PTGR1: variants seen among roughly 807,000 people sequenced by gnomAD.
The protein encoded by PTGR1 is prostaglandin reductase 1.
Under a neutral mutation model 37.7 loss-of-function variants are expected in PTGR1, and 23 were observed. The ratio of observed to expected loss-of-function variants is 0.61; its 90% CI spans 0.44 to 0.86. The LOEUF (loss-of-function observed/expected upper bound fraction) is 0.86, where lower values mean the gene tolerates loss of function less well. PTGR1 is among the 40% of genes least tolerant of loss of function. The pLI is 0.00. For missense variants in PTGR1, 351 were observed against 394.3 expected, an observed-to-expected ratio of 0.89 and a Z score of 0.93; for synonymous variants, 134 against 140.0, an observed-to-expected ratio of 0.96 and a Z score of 0.30.
intron 9 of PTGR1, among the ~76,000 whole-genome samples, chr9:111,555,364 A>G (rs76945757): frequency 0.028 from 4,241 of 152,240 alleles, 113 homozygotes; most frequent in East Asian, 0.14. Context: ...CTACTTCCAG[A>G]AAACCTGATG....
chr9:111,557,912 G>T (rs1022383886), downstream of PTGR1, among the ~76,000 whole-genome samples: 11 of 152,246 alleles, frequency 7.2e-5, no homozygotes, highest in Admixed American at 6.5e-4. Flanking sequence ...GCTTTGGGAG[G>T]CCAAGGCAGG....
chr9:111,589,379 C>A, intron 4 of PTGR1: 2 of 890,010 alleles, frequency 2.2e-6, no homozygotes, highest in South Asian at 5.2e-5. Context: ...ATTATAATAA[C>A]TGGCTAGTCA....
intron 9 of PTGR1, chr9:111,549,941 T>C (rs1216112257): frequency 1.7e-6 from 1 of 573,084 alleles, no homozygotes; most frequent in African/African-American, 2.0e-5. Flanking sequence ...TCAATACTTG[T>C]TTCTTTGTAT....
chr9:111,578,956 G>C lies in PTGR1; in HGVS notation c.496-5C>G. 1.4e-6 allele frequency: 2 copies of C among 1,475,444 alleles called. No homozygotes were observed. Among genetic ancestry groups the C allele is most frequent in the Non-Finnish European group, 1.8e-6 (2 of 1,114,166 alleles). 91.4% of individuals were successfully genotyped at this position (1,475,444 alleles called of 1,614,324 possible). A position where few individuals can be genotyped will look rare whatever the true frequency, so the allele number is the denominator to read the frequency against. Reference sequence around the variant, plus strand: ...TGCTCCAACAACTTTGCAGCCCTAAGTAGAAAAAAAAAAAAAAAGGAAACC... The same window carrying C: ...TGCTCCAACAACTTTGCAGCCCTAACTAGAAAAAAAAAAAAAAAGGAAACC... On this transcript the variant is annotated splice_region_variant and splice_polypyrimidine_tract_variant and intron_variant, in intron 6 of 9. Transcript: ENST00000407693.
chr9:111,551,932 A>G (rs1827974076), intron 9 of PTGR1, among the ~76,000 whole-genome samples: 1 of 152,156 alleles, frequency 6.6e-6, no homozygotes, highest in Non-Finnish European at 1.5e-5. Flanking sequence ...GCAGCCATTT[A>G]TTACATTTAA....
At chr9:111,566,730 G>A (rs1324939536) in intron 9 of PTGR1, among the ~76,000 whole-genome samples, 1 of 152,008 alleles carries the variant, frequency 6.6e-6, no homozygotes, top group Non-Finnish European at 1.5e-5. Flanking sequence ...ACTATTCTGG[G>A]GGCTGGAGAT....
intron 8 of PTGR1, among the ~76,000 whole-genome samples, chr9:111,572,756 C>CAAAAAAAAAAAAAAAAAAAAA (rs58101079): frequency 3.1e-5 from 2 of 63,510 alleles, no homozygotes; most frequent in African/African-American, 7.7e-5. Flanking sequence ...GACCCTGTCT[C>CAAAAAAAAAAAAAAAAAAAAA]AAAAAAAAAA....
intron 1 of PTGR1, chr9:111,599,281 C>A (rs1216962275): frequency 6.6e-6 from 1 of 152,356 alleles, no homozygotes; most frequent in African/African-American, 2.4e-5. Flanking sequence ...CTACCCTCCC[C>A]CAGTTGTGCA....
At chr9:111,575,929 C>T (rs1272545460) in intron 7 of PTGR1, among the ~76,000 whole-genome samples, 2 of 151,740 alleles carry the variant, frequency 1.3e-5, no homozygotes, top group African/African-American at 4.8e-5. Flanking sequence ...TTTCATGCTT[C>T]AAAGAATACC....
At chr9:111,566,990 G>C (rs892661685) in intron 9 of PTGR1, among the ~76,000 whole-genome samples, 3 of 151,964 alleles carry the variant, frequency 2.0e-5, no homozygotes, top group African/African-American at 7.2e-5. Flanking sequence ...TCAGGAGGTT[G>C]AGGTGGGAGA....
chr9:111,589,398 CA>C, intron 4 of PTGR1: 1 of 888,730 alleles, frequency 1.1e-6, no homozygotes, highest in South Asian at 5.2e-5. Flanking sequence ...CATTGAGACA[CA>C]AAATTTAAAA....
intron 9 of PTGR1, chr9:111,563,770 T>G (rs560098589): frequency 6.5e-6 from 1 of 152,780 alleles, no homozygotes; most frequent in Non-Finnish European, 1.5e-5. Context: ...CCTCCCAAAG[T>G]GCTGGGATTA....
At chr9:111,588,409 A>G (rs1422370444) in intron 4 of PTGR1, among the ~76,000 whole-genome samples, 1 of 151,898 alleles carries the variant, frequency 6.6e-6, no homozygotes, top group African/African-American at 2.4e-5. Flanking sequence ...GTATTTGTAT[A>G]TTTAGTAGAG....
chr9:111,571,418 AAAAG>A (rs1430852355), intron 8 of PTGR1, among the ~76,000 whole-genome samples: 1 of 149,594 alleles, frequency 6.7e-6, no homozygotes, highest in African/African-American at 2.4e-5. Context: ...CAAAAAGAAA[AAAAG>A]AAGTAAACAA....
downstream of PTGR1, among the ~76,000 whole-genome samples, chr9:111,560,180 A>T (rs1362209123): frequency 6.6e-6 from 1 of 151,722 alleles, no homozygotes; most frequent in Non-Finnish European, 1.5e-5. Flanking sequence ...ACCCATCACT[A>T]CTAAAAATAC....
downstream of PTGR1, among the ~76,000 whole-genome samples, chr9:111,559,630 ACACACACACACATACAG>A (rs1828218401): frequency 1.4e-5 from 2 of 145,270 alleles, no homozygotes; most frequent in Non-Finnish European, 3.0e-5. Flanking sequence ...TACATATATA[ACACACACACACATACAG>A]CACACACACA....
intron 7 of PTGR1, chr9:111,576,965 C>T (rs1004009871): frequency 6.6e-6 from 1 of 152,128 alleles, no homozygotes; most frequent in Non-Finnish European, 1.5e-5. Flanking sequence ...GTGGTGCATG[C>T]CTGTAATCCC....
At chr9:111,587,169 T>C (rs1342628359) in intron 4 of PTGR1, among the ~76,000 whole-genome samples, 1 of 152,100 alleles carries the variant, frequency 6.6e-6, no homozygotes, top group Non-Finnish European at 1.5e-5. Context: ...CCTCATTGGT[T>C]CCCAGGGTAC....
At chr9:111,568,035 T>C (rs1564611982) in intron 9 of PTGR1, among the ~76,000 whole-genome samples, 1 of 152,208 alleles carries the variant, frequency 6.6e-6, no homozygotes, top group South Asian at 2.1e-4. Flanking sequence ...ACAAATTGAT[T>C]GTAAAACATG....
Sources: gnomAD v4.1 joint callset for allele counts (sites outside exome capture counted in the v4.1 genomes callset) on GRCh38, gnomAD v4.1.1 for gene constraint, MANE v1.5 for transcripts, NCBI Gene and HGNC (gene_info 2026-07-23, HGNC 2026-07-21) for gene names.